Variants in GRM5 observed in about 807,000 individuals in gnomAD.
The protein encoded by GRM5 is glutamate metabotropic receptor 5.
Under a neutral mutation model 83.1 loss-of-function variants are expected in GRM5, and 19 were observed. The ratio of observed to expected loss-of-function variants is 0.23; its 90% CI spans 0.16 to 0.34. The LOEUF is 0.34. Ranked by LOEUF, GRM5 falls within the 10% of genes least tolerant of loss-of-function variation. The pLI, the probability that GRM5 is intolerant of heterozygous loss-of-function variation, is 1.00. For missense variants in GRM5, 1,160 were observed against 1,588.3 expected, an observed-to-expected ratio of 0.73 and a Z score of 4.58; for synonymous variants, 675 against 633.6, an observed-to-expected ratio of 1.07 and a Z score of -0.98.
intron 3 of GRM5, among the ~76,000 whole-genome samples, chr11:88,752,770 T>C (rs1257097800): frequency 6.6e-6 from 1 of 151,982 alleles, no homozygotes; most frequent in Non-Finnish European, 1.5e-5. Context: ...CATAAACCAA[T>C]GGAACAGAAG....
At chr11:88,760,797 A>G (rs1942496952) in intron 3 of GRM5, among the ~76,000 whole-genome samples, 1 of 152,182 alleles carries the variant, frequency 6.6e-6, no homozygotes, top group South Asian at 2.1e-4. Flanking sequence ...ACATTGATGC[A>G]AAAATCCTCA....
chr11:88,558,856 T>C (rs927765035), intron 8 of GRM5, among the ~76,000 whole-genome samples: 4 of 130,108 alleles, frequency 3.1e-5, no homozygotes, highest in Non-Finnish European at 6.6e-5. Context: ...CAAAACAGCA[T>C]AATTCTCAAA....
intron 4 of GRM5, among the ~76,000 whole-genome samples, chr11:88,607,268 T>C (rs1938179920): frequency 1.3e-5 from 2 of 152,204 alleles, no homozygotes; most frequent in South Asian, 4.1e-4. Flanking sequence ...GGAAATTCCA[T>C]TATTCTAGTT....
intron 1 of GRM5, among the ~76,000 whole-genome samples, chr11:89,058,046 G>A (rs1209916503): frequency 6.6e-6 from 1 of 151,964 alleles, no homozygotes; most frequent in African/African-American, 2.4e-5. Flanking sequence ...TGGCTCCAAA[G>A]CCCAAACTTA....
At chr11:88,981,551 GAC>G (rs1289000184) in intron 2 of GRM5, among the ~76,000 whole-genome samples, 1 of 152,192 alleles carries the variant, frequency 6.6e-6, no homozygotes, top group African/African-American at 2.4e-5. Context: ...GTCAAGGAGA[GAC>G]AGTCATTCGT....
intron 3 of GRM5, among the ~76,000 whole-genome samples, chr11:88,690,062 C>T (rs1311223841): frequency 2.0e-5 from 3 of 152,066 alleles, no homozygotes; most frequent in African/African-American, 7.2e-5. Flanking sequence ...CATAACACAG[C>T]AAGGGAGGCG....
intron 2 of GRM5, among the ~76,000 whole-genome samples, chr11:88,920,126 G>A (rs936882025): frequency 6.6e-5 from 10 of 151,576 alleles, no homozygotes; most frequent in African/African-American, 2.4e-4. Flanking sequence ...TTTTCTGAAA[G>A]GATAAAAAAA....
intron 2 of GRM5, among the ~76,000 whole-genome samples, chr11:88,966,106 C>T (rs1256939149): frequency 6.6e-6 from 1 of 151,988 alleles, no homozygotes; most frequent in Non-Finnish European, 1.5e-5. Context: ...TCTGGGAAAC[C>T]TTTAAGTACT....
intron 3 of GRM5, among the ~76,000 whole-genome samples, chr11:88,703,334 G>T (rs1941078927): frequency 6.6e-6 from 1 of 152,004 alleles, no homozygotes; most frequent in South Asian, 2.1e-4. Flanking sequence ...AATAATAATT[G>T]CAATCTTTTG....
At chr11:88,522,076 C>T (rs1941707807) in intron 9 of GRM5, among the ~76,000 whole-genome samples, 1 of 152,126 alleles carries the variant, frequency 6.6e-6, no homozygotes, top group South Asian at 2.1e-4. Context: ...TTGAGCTCCC[C>T]TTAACCCCTC....
At chr11:88,933,505 C>T (rs1178183640) in intron 2 of GRM5, among the ~76,000 whole-genome samples, 14 of 151,802 alleles carry the variant, frequency 9.2e-5, no homozygotes, top group African/African-American at 3.1e-4. Flanking sequence ...GAATGTGCTA[C>T]TCTTTGGACA....
At chr11:88,703,458 G>C (rs1201682955) in intron 3 of GRM5, among the ~76,000 whole-genome samples, 1 of 152,048 alleles carries the variant, frequency 6.6e-6, no homozygotes, top group Non-Finnish European at 1.5e-5. Context: ...GGGACTATGG[G>C]TCAAACCAAA....
intron 3 of GRM5, among the ~76,000 whole-genome samples, chr11:88,771,316 GA>G (rs1389742771): frequency 6.6e-6 from 1 of 152,002 alleles, no homozygotes; most frequent in East Asian, 1.9e-4. Context: ...GCAAGCTGAG[GA>G]AAAAAGAAGG....
At chr11:88,742,099 G>T (rs1473477054) in intron 3 of GRM5, among the ~76,000 whole-genome samples, 1 of 151,970 alleles carries the variant, frequency 6.6e-6, no homozygotes, top group Non-Finnish European at 1.5e-5. Flanking sequence ...AGCTGTAAAA[G>T]CGTGGCATTG....
intron 3 of GRM5, among the ~76,000 whole-genome samples, chr11:88,668,379 T>TA (rs1252928665): frequency 6.6e-6 from 1 of 151,062 alleles, no homozygotes; most frequent in Non-Finnish European, 1.5e-5. Context: ...AATTATTCTA[T>TA]ACCTTTAGAC....
chr11:88,990,995 G>A (rs1056493875), intron 2 of GRM5, among the ~76,000 whole-genome samples: 2 of 152,160 alleles, frequency 1.3e-5, no homozygotes, highest in Non-Finnish European at 2.9e-5. Flanking sequence ...TCAACATAGT[G>A]TTGGAAATTC....
intron 8 of GRM5, among the ~76,000 whole-genome samples, chr11:88,528,097 C>A (rs1394708989): frequency 9.2e-6 from 1 of 108,252 alleles, no homozygotes; most frequent in East Asian, 3.0e-4. Flanking sequence ...TTAGAAAAAC[C>A]ATAGAAACAA....
chr11:88,705,866 A>C (rs1499031), intron 3 of GRM5, among the ~76,000 whole-genome samples: 120,083 of 151,940 alleles, frequency 0.79, 51,051 homozygotes, highest in Non-Finnish European at 0.96. Context: ...ATGACATTCA[A>C]AATACATATA....
intron 3 of GRM5, among the ~76,000 whole-genome samples, chr11:88,810,667 C>A (rs1247101005): frequency 6.6e-6 from 1 of 152,002 alleles, no homozygotes; most frequent in Non-Finnish European, 1.5e-5. Context: ...TACTGAGAAG[C>A]TGTATTTGTG....
Sources: allele counts gnomAD v4.1 joint callset (sites outside exome capture counted in the v4.1 genomes callset), GRCh38; gene constraint gnomAD v4.1.1; transcripts MANE v1.5; gene names NCBI Gene and HGNC (gene_info 2026-07-23, HGNC 2026-07-21).